TM9SF2: variants seen among roughly 807,000 people sequenced by gnomAD.
TM9SF2 encodes the protein 76 kDa membrane protein.
A neutral mutation model predicts 84.9 loss-of-function variants in TM9SF2; 13 were observed. The ratio of observed to expected loss-of-function variants is 0.15; its 90% CI spans 0.10 to 0.24. The LOEUF (loss-of-function observed/expected upper bound fraction) is 0.24. Among genes scored for constraint, TM9SF2 ranks in the 10% least tolerant of loss-of-function variants. The pLI, the probability that TM9SF2 is intolerant of heterozygous loss-of-function variation, is 1.00. For missense variants in TM9SF2, 562 were observed against 818.5 expected, an observed-to-expected ratio of 0.69 and a Z score of 3.82; for synonymous variants, 273 against 285.8, an observed-to-expected ratio of 0.96 and a Z score of 0.45.
At chr13:99,507,692 C>T (rs940941099) in intron 1 of TM9SF2, among the ~76,000 whole-genome samples, 2 of 152,136 alleles carry the variant, frequency 1.3e-5, no homozygotes, top group Non-Finnish European at 2.9e-5. Context: ...TTCAGGAAGG[C>T]GCCACTGTGG....
intron 3 of TM9SF2, among the ~76,000 whole-genome samples, chr13:99,526,829 G>C (rs932193630): frequency 2.6e-5 from 4 of 152,068 alleles, no homozygotes; most frequent in African/African-American, 4.8e-5. Flanking sequence ...AGTGACCTGG[G>C]GTTGGTAGAT....
At chr13:99,517,791 TAAGGTGTACTCTTCC>T in intron 2 of TM9SF2, 110 bp downstream of exon 2, 1 of 602,506 alleles carries the variant, frequency 1.7e-6, no homozygotes, top group South Asian at 3.1e-5. Flanking sequence ...AAATATTTTT[TAAGGTGTACTCTTCC>T]AAGGTGTGGT....
chr13:99,552,890 G>T (rs1423594659), intron 13 of TM9SF2, among the ~76,000 whole-genome samples: 1 of 152,202 alleles, frequency 6.6e-6, no homozygotes, highest in Non-Finnish European at 1.5e-5. Context: ...AGCTAAGTAA[G>T]CAGAGAAGAA....
intron 1 of TM9SF2, 136 bp downstream of exon 1, chr13:99,501,913 T>G: frequency 8.1e-7 from 1 of 1,227,472 alleles, no homozygotes; most frequent in African/African-American, 1.6e-5. Flanking sequence ...CAGAAGCTTT[T>G]GGGGTCTGCT....
At chr13:99,556,574 C>CTTTTTTTTTTTT (rs35868359) in intron 15 of TM9SF2, among the ~76,000 whole-genome samples, 1 of 137,082 alleles carries the variant, frequency 7.3e-6, no homozygotes, top group African/African-American at 2.7e-5. Context: ...TACTTCATTC[C>CTTTTTTTTTTTT]TTTTTTTTTT....
intron 4 of TM9SF2, among the ~76,000 whole-genome samples, chr13:99,536,299 G>GTTTTTTTTTTTTTTTT (rs540336278): frequency 7.2e-6 from 1 of 139,688 alleles, no homozygotes; most frequent in African/African-American, 2.6e-5. Context: ...AGTTTTTTTT[G>GTTTTTTTTTTTTTTTT]TTTTTTTTTT....
intron 3 of TM9SF2, among the ~76,000 whole-genome samples, chr13:99,529,000 C>T (rs1006336962): frequency 1.3e-5 from 2 of 152,098 alleles, no homozygotes; most frequent in Non-Finnish European, 2.9e-5. Context: ...GTCACATGCT[C>T]TCTTGTTCAC....
chr13:99,508,245 G>A (rs1269081986), intron 1 of TM9SF2, among the ~76,000 whole-genome samples: 1 of 152,046 alleles, frequency 6.6e-6, no homozygotes. Flanking sequence ...TTTGAAAGTG[G>A]GAATGTGAAG....
intron 1 of TM9SF2, among the ~76,000 whole-genome samples, chr13:99,512,414 G>A (rs1418983206): frequency 6.6e-6 from 1 of 152,164 alleles, no homozygotes; most frequent in African/African-American, 2.4e-5. Flanking sequence ...AGGAGAATTG[G>A]AAGCTGCTTC....
chr13:99,529,456 T>A lies in TM9SF2; in HGVS notation c.334-11T>A. ...TTTTCTGAATTTGCTTTCCACTTCCTTTTAATACAGTTTACGTTTAATAAG... is the reference window on the plus strand; with the variant it reads ...TTTTCTGAATTTGCTTTCCACTTCCATTTAATACAGTTTACGTTTAATAAG... On this transcript the variant is annotated splice_polypyrimidine_tract_variant and intron_variant, in intron 3 of 16. Transcript: ENST00000376387. The A allele has an allele frequency of 6.5e-7, 1 of 1,529,556 alleles. No individual in the cohort carries two copies. Among genetic ancestry groups the A allele is most frequent in the East Asian group, 2.4e-5 (1 of 41,134 alleles). The allele number at this position is 1,529,556 out of a possible 1,614,324, so 94.7% of individuals were successfully genotyped here.
rs1321781281 is a variant in TM9SF2, at chr13:99,501,656, T to TGCTGCTGTC, written c.57_65dup (p.Ser20_Leu22dup). 6.2e-7 allele frequency: 1 copy of TGCTGCTGTC among 1,613,294 alleles called. No individual in the cohort carries two copies. The highest frequency in any genetic ancestry group is 1.7e-5 in the Admixed American group (1 of 59,970). Reference sequence around the variant, plus strand: ...TCTCCACCTCGGTGGCCGCGGCTGTTGCTGCTGTCGCTGCTCCTGCTGGGG... The same window carrying TGCTGCTGTC: ...TCTCCACCTCGGTGGCCGCGGCTGTTGCTGCTGTCGCTGCTGTCGCTGCTCCTGCTGGGG... On this transcript the variant is annotated inframe_insertion, in exon 1 of 17. Coordinates refer to ENST00000376387, the MANE Select transcript of TM9SF2 (RefSeq NM_004800.3).
chr13:99,544,334 C>G (rs1186256087), intron 10 of TM9SF2, among the ~76,000 whole-genome samples: 2 of 146,654 alleles, frequency 1.4e-5, no homozygotes, highest in Non-Finnish European at 3.0e-5. Context: ...CAGTGCAAGA[C>G]TCCATCTCAA....
intron 4 of TM9SF2, among the ~76,000 whole-genome samples, chr13:99,530,512 C>G (rs1242633787): frequency 6.6e-6 from 1 of 152,204 alleles, no homozygotes; most frequent in Admixed American, 6.5e-5. Context: ...AACACCATAT[C>G]TGCAAAGCAC....
chr13:99,545,721 C>G (rs2046279679), intron 10 of TM9SF2, among the ~76,000 whole-genome samples: 2 of 152,098 alleles, frequency 1.3e-5, no homozygotes, highest in Admixed American at 6.5e-5. Flanking sequence ...CGCCTGCCAC[C>G]ACGCCTGGCT....
Position 99,562,800 on chromosome 13 carries a change from T to G in TM9SF2, c.*42T>G, listed in dbSNP as rs1566575939. ...CAGTTAAAACAGAAATAAATTAAAC[T>G]CTTCATCAACAAAGACCTGTTTTTG... On this transcript the variant is annotated 3_prime_UTR_variant, in exon 17 of 17. Transcript: ENST00000376387. 3 of 1,588,502 alleles carry G rather than the reference T, an allele frequency of 1.9e-6. No individual in the cohort carries two copies. The highest frequency in any genetic ancestry group is 2.6e-6 in the Non-Finnish European group (3 of 1,164,018).
intron 4 of TM9SF2, among the ~76,000 whole-genome samples, chr13:99,531,209 A>G (rs2046207555): frequency 6.6e-6 from 1 of 152,200 alleles, no homozygotes; most frequent in South Asian, 2.1e-4. Flanking sequence ...TTTGAAGTAT[A>G]ACCATTGCTA....
chr13:99,517,548 C>T, intron 1 of TM9SF2, 66 bp from the exon 2 acceptor site: 2 of 1,059,304 alleles, frequency 1.9e-6, no homozygotes, highest in East Asian at 2.7e-5. Flanking sequence ...TTTTTTAATT[C>T]TAAGCATGAC....
intron 1 of TM9SF2, among the ~76,000 whole-genome samples, chr13:99,516,159 G>A (rs889953068): frequency 5.3e-5 from 8 of 152,172 alleles, no homozygotes; most frequent in African/African-American, 1.7e-4. Flanking sequence ...ATGGCCCCGG[G>A]ATTTGAACCC....
intron 4 of TM9SF2, among the ~76,000 whole-genome samples, chr13:99,531,002 A>C (rs561364754): frequency 6.6e-6 from 1 of 151,932 alleles, no homozygotes; most frequent in Admixed American, 6.5e-5. Context: ...CTGGGATTAC[A>C]TGTGCCCGCC....
Sources: gnomAD v4.1 joint callset for allele counts (sites outside exome capture counted in the v4.1 genomes callset) on GRCh38, gnomAD v4.1.1 for gene constraint, MANE v1.5 for transcripts, NCBI Gene and HGNC (gene_info 2026-07-23, HGNC 2026-07-21) for gene names.